Variants in TEX11 observed in about 807,000 individuals in gnomAD.
TEX11 encodes testis expressed 11.
TEX11 carries 7 observed loss-of-function variants against 84.4 expected under a neutral mutation model. The observed-to-expected ratio is 0.08, with a 90% CI of 0.05 to 0.16. The LOEUF (loss-of-function observed/expected upper bound fraction) is 0.16. Among genes scored for constraint, TEX11 ranks in the 10% least tolerant of loss-of-function variants. The pLI is 1.00. For missense variants in TEX11, 551 were observed against 660.5 expected (o/e 0.83, Z 1.82); for synonymous variants, 264 against 222.8 (o/e 1.18, Z -1.64).
chrX:70,562,251 T>C (rs1465722964), intron 25 of TEX11, among the ~76,000 whole-genome samples: 6 of 111,869 alleles, frequency 5.4e-5, no homozygotes, highest in Non-Finnish European at 1.1e-4. Context: ...ATGCTGTCAT[T>C]TTATTAGGCT....
chrX:70,525,379 A>G (rs760186641), downstream of TEX11, among the ~76,000 whole-genome samples: 41 of 111,293 alleles, frequency 3.7e-4, no homozygotes, highest in Non-Finnish European at 3.8e-4. Context: ...TGAGCTCAGG[A>G]GTTCGAGAGC....
chrX:70,903,365 C>A (rs905747554), intron 2 of TEX11, among the ~76,000 whole-genome samples: 2 of 110,892 alleles, frequency 1.8e-5, no homozygotes, highest in African/African-American at 6.6e-5. Context: ...GATTTGTTTA[C>A]ACCAGCATCA....
chrX:70,679,812 C>G (rs2090122976), intron 14 of TEX11, among the ~76,000 whole-genome samples: 1 of 103,192 alleles, frequency 9.7e-6, no homozygotes, highest in South Asian at 4.7e-4. Flanking sequence ...GCCAGCCGCC[C>G]CGTCCGGGAG....
rs1167182936 is a variant in TEX11 at position 70,792,287 on chromosome X, CAAAAAAAAAAAAAAA to C, written c.692+14403_692+14417del. ...TGAGCTACAGGGCAAGGCTCTGTCT[CAAAAAAAAAAAAAAA>C]AAAAAAAAAAAAAATATATATATAT... On this transcript the variant is annotated intron_variant, in intron 9 of 29. Coordinates refer to ENST00000374333, the MANE Select transcript of TEX11 (RefSeq NM_031276.3). 5.0e-3 allele frequency among the ~76,000 whole-genome samples: 9 copies of C among 1,810 alleles called. No homozygotes were observed. In the East Asian group the frequency reaches 0.13, roughly 26 times the overall value. The allele number at this position is 1,810 out of a possible 115,157, so 1.6% of individuals were successfully genotyped here. A position where few individuals can be genotyped will look rare whatever the true frequency, so the allele number is the denominator to read the frequency against.
intron 13 of TEX11, among the ~76,000 whole-genome samples, chrX:70,683,780 T>C (rs1877100862): frequency 8.9e-6 from 1 of 112,211 alleles, no homozygotes; most frequent in Non-Finnish European, 1.9e-5. Context: ...TCAAAACTTA[T>C]TACAAAGCCA....
At chrX:70,810,560 G>A (rs951868907) in intron 8 of TEX11, among the ~76,000 whole-genome samples, 4 of 111,069 alleles carry the variant, frequency 3.6e-5, no homozygotes, top group Admixed American at 9.6e-5. Context: ...ACCAAACACC[G>A]CATGTTCTCA....
chrX:70,599,673 C>T (rs1376983777), intron 24 of TEX11, among the ~76,000 whole-genome samples: 1 of 79,192 alleles, frequency 1.3e-5, no homozygotes, highest in African/African-American at 4.8e-5. Flanking sequence ...CTCCCCCTCC[C>T]CCCACCCCAC....
chrX:70,849,305 G>C (rs768021602), intron 7 of TEX11, among the ~76,000 whole-genome samples: 20 of 111,720 alleles, frequency 1.8e-4, no homozygotes, highest in Non-Finnish European at 3.4e-4. Flanking sequence ...CTCACACATA[G>C]CACTGAACAC....
At chrX:70,753,187 G>A (rs868427301) in intron 9 of TEX11, among the ~76,000 whole-genome samples, 8 of 83,813 alleles carry the variant, frequency 9.5e-5, no homozygotes, top group Non-Finnish European at 1.6e-4. Flanking sequence ...CAGAGTCACC[G>A]GAATTTGGGT....
intron 11 of TEX11, among the ~76,000 whole-genome samples, chrX:70,727,779 T>C (rs888385298): frequency 9.0e-6 from 1 of 110,659 alleles, no homozygotes; most frequent in Admixed American, 9.6e-5. Context: ...TCTCTTTCTC[T>C]GCCAAATGAA....
chrX:70,513,434 T>C, the TEX11 span, among the ~76,000 whole-genome samples: 3 of 105,515 alleles, frequency 2.8e-5, no homozygotes, highest in African/African-American at 1.0e-4. Context: ...ATATATATAA[T>C]AATGAAATAT....
At chrX:70,721,387 T>C (rs1329791560) in intron 13 of TEX11, among the ~76,000 whole-genome samples, 2 of 111,725 alleles carry the variant, frequency 1.8e-5, no homozygotes. Context: ...TTCAAATTCT[T>C]TTTGGAAGAA....
At chrX:70,719,044 A>G (rs1327551059) in intron 13 of TEX11, among the ~76,000 whole-genome samples, 1 of 111,627 alleles carries the variant, frequency 9.0e-6, no homozygotes, top group Non-Finnish European at 1.9e-5. Context: ...ACCTGTGACA[A>G]CACCACATAC....
chrX:70,885,687 T>G (rs1448061360), intron 2 of TEX11, among the ~76,000 whole-genome samples: 9 of 109,265 alleles, frequency 8.2e-5, no homozygotes, highest in African/African-American at 3.0e-4. Flanking sequence ...AGGTCAGGAG[T>G]TCGAGACCAG....
At chrX:70,623,356 T>C (rs1219440265) in intron 20 of TEX11, among the ~76,000 whole-genome samples, 1 of 111,862 alleles carries the variant, frequency 8.9e-6, no homozygotes, top group African/African-American at 3.2e-5. Context: ...GACCAAAGTC[T>C]TCAACGAATT....
At chrX:70,874,094 T>C (rs1279384556) in intron 3 of TEX11, among the ~76,000 whole-genome samples, 1 of 110,646 alleles carries the variant, frequency 9.0e-6, no homozygotes, top group Non-Finnish European at 1.9e-5. Flanking sequence ...CTCCTTTCTC[T>C]TTCCTCCTCT....
At chrX:70,525,690 G>T (rs941243656), downstream of TEX11, among the ~76,000 whole-genome samples, 6 of 111,884 alleles carry the variant, frequency 5.4e-5, no homozygotes, top group Non-Finnish European at 7.5e-5. Context: ...ACTATTGAGG[G>T]AAATGGACAT....
chrX:70,642,399 A>G (rs1347035589), intron 17 of TEX11, among the ~76,000 whole-genome samples: 2 of 111,061 alleles, frequency 1.8e-5, no homozygotes, highest in Non-Finnish European at 3.8e-5. Context: ...AAAAGAGGGA[A>G]TCCTCCCTAA....
intron 13 of TEX11, among the ~76,000 whole-genome samples, chrX:70,720,835 C>T (rs1426599865): frequency 9.3e-6 from 1 of 107,548 alleles, no homozygotes; most frequent in Non-Finnish European, 1.9e-5. Flanking sequence ...TTAATGTTGG[C>T]AACTAATTCA....
Sources: allele counts gnomAD v4.1 joint callset (sites outside exome capture counted in the v4.1 genomes callset), GRCh38; gene constraint gnomAD v4.1.1; transcripts MANE v1.5; gene names NCBI Gene and HGNC (gene_info 2026-07-23, HGNC 2026-07-21).